RBFOX1: variants seen among roughly 807,000 people sequenced by gnomAD.
The protein encoded by RBFOX1 is RNA binding protein fox-1 homolog 1.
RBFOX1 carries 8 observed loss-of-function variants against 57.7 expected under a neutral mutation model. That is an observed-to-expected ratio of 0.14 (90% CI 0.08 to 0.25). The LOEUF is 0.25. RBFOX1 is among the 10% of genes least tolerant of loss of function. The pLI, the probability that RBFOX1 is intolerant of heterozygous loss-of-function variation, is 1.00. For missense variants in RBFOX1, 611 were observed against 548.5 expected (o/e 1.11, Z -1.14); for synonymous variants, 326 against 222.4 (o/e 1.47, Z -4.15).
intron 4 of RBFOX1, among the ~76,000 whole-genome samples, chr16:7,341,406 G>T (rs2096887894): frequency 1.3e-5 from 2 of 152,172 alleles, no homozygotes; most frequent in Non-Finnish European, 1.5e-5. Flanking sequence ...CGTGACTGTT[G>T]TCTTGCAAGC....
intron 4 of RBFOX1, among the ~76,000 whole-genome samples, chr16:7,508,787 C>T (rs1035176635): frequency 7.2e-5 from 11 of 152,160 alleles, no homozygotes; most frequent in African/African-American, 2.7e-4. Context: ...CCCTCACCTC[C>T]TCCTCTGTTA....
intron 3 of RBFOX1, among the ~76,000 whole-genome samples, chr16:6,847,220 C>G (rs1271215862): frequency 6.6e-6 from 1 of 152,170 alleles, no homozygotes; most frequent in Non-Finnish European, 1.5e-5. Flanking sequence ...TGCATAACAA[C>G]ATTTCATGAT....
chr16:5,454,905 T>C (rs1474853710), intron 1 of RBFOX1, among the ~76,000 whole-genome samples: 1 of 129,520 alleles, frequency 7.7e-6, no homozygotes, highest in East Asian at 2.3e-4. Context: ...TTTCTTTCTT[T>C]CTTTCTTTCC....
chr16:7,583,853 AT>A (rs765830239), intron 6 of RBFOX1, among the ~76,000 whole-genome samples: 5 of 152,090 alleles, frequency 3.3e-5, no homozygotes, highest in African/African-American at 4.8e-5. Context: ...CCAAAACAAA[AT>A]ATAGGTCCTC....
At chr16:5,952,640 C>T (rs1050517655) in intron 4 of RBFOX1, among the ~76,000 whole-genome samples, 5 of 152,032 alleles carry the variant, frequency 3.3e-5, no homozygotes, top group African/African-American at 1.2e-4. Context: ...TCATCTGTAT[C>T]GATAGTGATG....
At chr16:7,202,421 A>T (rs190308140) in intron 4 of RBFOX1, among the ~76,000 whole-genome samples, 1 of 152,224 alleles carries the variant, frequency 6.6e-6, no homozygotes, top group African/African-American at 2.4e-5. Flanking sequence ...CAGCATGGAG[A>T]TTCCCAAATA....
intron 5 of RBFOX1, among the ~76,000 whole-genome samples, chr16:7,519,276 C>A (rs1291195588): frequency 6.6e-6 from 1 of 152,090 alleles, no homozygotes; most frequent in Non-Finnish European, 1.5e-5. Flanking sequence ...GAGATTCATC[C>A]AGGTTGCGGT....
At chr16:5,812,382 C>A (rs1000680391) in intron 3 of RBFOX1, among the ~76,000 whole-genome samples, 1 of 151,906 alleles carries the variant, frequency 6.6e-6, no homozygotes, top group Admixed American at 6.6e-5. Context: ...GTGGTTGAAC[C>A]ATGTTACATT....
chr16:6,872,498 C>T (rs1327355520), intron 3 of RBFOX1, among the ~76,000 whole-genome samples: 1 of 152,112 alleles, frequency 6.6e-6, no homozygotes, highest in East Asian at 1.9e-4. Flanking sequence ...TTCAGGCTTC[C>T]CTGAATTCCC....
chr16:6,818,475 G>C (rs2090599135), intron 3 of RBFOX1, among the ~76,000 whole-genome samples: 1 of 152,128 alleles, frequency 6.6e-6, no homozygotes, highest in Non-Finnish European at 1.5e-5. Flanking sequence ...AGTTTTATGA[G>C]TGAGTAAATG....
intron 1 of RBFOX1, among the ~76,000 whole-genome samples, chr16:5,333,365 T>A (rs1354855601): frequency 1.3e-5 from 2 of 152,236 alleles, no homozygotes; most frequent in African/African-American, 4.8e-5. Flanking sequence ...CTTTCTCTTT[T>A]GGGAGACAAT....
chr16:6,161,814 T>C (rs1008431859), intron 1 of RBFOX1, among the ~76,000 whole-genome samples: 7 of 152,214 alleles, frequency 4.6e-5, no homozygotes, highest in African/African-American at 1.4e-4. Context: ...TACCAACAGA[T>C]ACTTTTCTTT....
At position 7,030,436 on chromosome 16, in the gene RBFOX1, G is replaced by C. The variant is rs144914810; in HGVS notation, c.-15-21621G>C. 1.7e-4 allele frequency among the ~76,000 whole-genome samples: 26 copies of C among 152,310 alleles called. No individual in the cohort carries two copies. In the South Asian group the frequency reaches 3.5e-3, roughly 21 times the overall value. ...CCACAAGTCTGAAATCAAAATGTCA[G>C]CAAGGCCAAGTTCCTTCTGAAGGCT... On this transcript the variant is annotated intron_variant, in intron 3 of 15. Coordinates refer to ENST00000550418, the MANE Select transcript of RBFOX1 (RefSeq NM_018723.4).
intron 4 of RBFOX1, among the ~76,000 whole-genome samples, chr16:7,471,413 C>G (rs993385077): frequency 6.6e-6 from 1 of 151,990 alleles, no homozygotes; most frequent in Non-Finnish European, 1.5e-5. Context: ...CCCAGATGCC[C>G]TTCCCCAAAG....
intron 1 of RBFOX1, among the ~76,000 whole-genome samples, chr16:5,466,106 C>G (rs892743115): frequency 6.6e-6 from 1 of 152,202 alleles, no homozygotes; most frequent in Non-Finnish European, 1.5e-5. Flanking sequence ...TCTTCTCCCA[C>G]TTTAGGTGGG....
chr16:7,221,607 T>C (rs955307433), intron 4 of RBFOX1, among the ~76,000 whole-genome samples: 1 of 152,174 alleles, frequency 6.6e-6, no homozygotes, highest in African/African-American at 2.4e-5. Context: ...CCTCAGGTGA[T>C]CCACCAACCT....
intron 4 of RBFOX1, among the ~76,000 whole-genome samples, chr16:7,165,257 A>T (rs554708935): frequency 6.6e-6 from 1 of 152,076 alleles, no homozygotes; most frequent in African/African-American, 2.4e-5. Flanking sequence ...TTGCTCCAAG[A>T]TGCCTAAGCA....
intron 1 of RBFOX1, among the ~76,000 whole-genome samples, chr16:5,246,244 T>G (rs1342571724): frequency 6.6e-6 from 1 of 152,224 alleles, no homozygotes; most frequent in Admixed American, 6.5e-5. Context: ...AGACTCTGTT[T>G]CAAAATAAGT....
chr16:7,654,016 T>A, intron 12 of RBFOX1, 69 bp downstream of exon 12: 2 of 1,426,072 alleles, frequency 1.4e-6, no homozygotes, highest in Non-Finnish European at 9.1e-7. Context: ...ACGGAGCTGT[T>A]TGCGAGCGCA....
Sources: allele counts gnomAD v4.1 joint callset (sites outside exome capture counted in the v4.1 genomes callset), GRCh38; gene constraint gnomAD v4.1.1; transcripts MANE v1.5; gene names NCBI Gene and HGNC (gene_info 2026-07-23, HGNC 2026-07-21).